SASH1: variants seen among roughly 807,000 people sequenced by gnomAD.
SASH1 encodes the protein SAM and SH3 domain containing 1.
SASH1 carries 44 observed loss-of-function variants against 125.2 expected under a neutral mutation model. The observed-to-expected ratio is 0.35, with a 90% CI of 0.28 to 0.45. SASH1 has a LOEUF of 0.45. SASH1 is among the 20% of genes least tolerant of loss of function. SASH1 has a pLI of 1.00. For synonymous variants in SASH1, 639 were observed against 649.1 expected (o/e 0.98, Z 0.24); for missense variants, 1,426 against 1,614.5 (o/e 0.88, Z 2.00).
the SASH1 span, among the ~76,000 whole-genome samples, chr6:148,254,676 CTAA>C: frequency 6.6e-6 from 1 of 152,086 alleles, no homozygotes; most frequent in Non-Finnish European, 1.5e-5. Flanking sequence ...TAGGATGGCT[CTAA>C]TAATAAGAAT....
intron 2 of SASH1, among the ~76,000 whole-genome samples, chr6:148,423,369 A>G (rs1220085575): frequency 2.0e-5 from 3 of 152,248 alleles, no homozygotes; most frequent in Admixed American, 2.0e-4. Flanking sequence ...CTTTTTAAAG[A>G]TGGTTACACA....
chr6:148,496,049 T>C (rs1489360603), intron 8 of SASH1, among the ~76,000 whole-genome samples: 2 of 151,856 alleles, frequency 1.3e-5, no homozygotes, highest in Non-Finnish European at 2.9e-5. Context: ...GGTTTCACCA[T>C]GTTGGCCAGG....
Position 148,491,456 on chromosome 6 carries a change from G to T in SASH1, c.729+3741G>T, listed in dbSNP as rs1048545127. ...AGCTAATTTTTCTATTTTTAGTAGA[G>T]ATGGGGTTTCACCATGTTGACCAGG... On this transcript the variant is annotated intron_variant, in intron 8 of 19. Coordinates refer to ENST00000367467, the MANE Select transcript of SASH1 (RefSeq NM_015278.5). Among the ~76,000 whole-genome samples, 3 of 152,100 alleles carry T rather than the reference G, an allele frequency of 2.0e-5. No individual in the cohort carries two copies. In the South Asian group the frequency reaches 6.2e-4, roughly 32 times the overall value.
intron 1 of SASH1, among the ~76,000 whole-genome samples, chr6:148,386,154 A>T (rs1783357904): frequency 6.6e-6 from 1 of 152,094 alleles, no homozygotes; most frequent in African/African-American, 2.4e-5. Flanking sequence ...GTGTGGAGGG[A>T]GGGGAACCAC....
chr6:148,534,343 G>A (rs1485104210), intron 15 of SASH1, among the ~76,000 whole-genome samples: 1 of 152,130 alleles, frequency 6.6e-6, no homozygotes, highest in African/African-American at 2.4e-5. Context: ...ACTAGCATGA[G>A]TCTGCAATGA....
At chr6:148,458,983 TACACACACACACACACACACACAC>T in intron 4 of SASH1, among the ~76,000 whole-genome samples, 1 of 137,958 alleles carries the variant, frequency 7.2e-6, no homozygotes, top group African/African-American at 2.7e-5. Context: ...AAAAAAAGTA[TACACACACACACACACACACACAC>T]ACACACACAC....
the SASH1 span, among the ~76,000 whole-genome samples, chr6:148,242,304 G>C: frequency 6.6e-6 from 1 of 152,188 alleles, no homozygotes. Context: ...ATTCCAGTGG[G>C]AACCTGGATG....
At chr6:148,360,646 C>G (rs866162670) in intron 1 of SASH1, among the ~76,000 whole-genome samples, 1 of 148,786 alleles carries the variant, frequency 6.7e-6, no homozygotes, top group Non-Finnish European at 1.5e-5. Context: ...ACCCCCCCGC[C>G]AGGCTTTAAA....
At chr6:148,290,246 G>A (rs1433873423) in intron 1 of SASH1, among the ~76,000 whole-genome samples, 15 of 151,580 alleles carry the variant, frequency 9.9e-5, no homozygotes, top group East Asian at 3.9e-4. Flanking sequence ...TAGCCTTTAC[G>A]TCTTTGATTC....
chr6:148,491,490 G>A (rs12195868), intron 8 of SASH1, among the ~76,000 whole-genome samples: 36,636 of 152,040 alleles, frequency 0.24, 5,048 homozygotes, highest in Middle Eastern at 0.35. Flanking sequence ...GGTTGGTCTC[G>A]AACCTCTGAC....
intron 2 of SASH1, among the ~76,000 whole-genome samples, chr6:148,398,478 A>G (rs1249223171): frequency 1.3e-5 from 2 of 152,184 alleles, no homozygotes; most frequent in African/African-American, 2.4e-5. Flanking sequence ...TGATCAGGAA[A>G]GTGAGACTCT....
At chr6:148,403,157 C>A (rs1784244011) in intron 2 of SASH1, among the ~76,000 whole-genome samples, 1 of 152,024 alleles carries the variant, frequency 6.6e-6, no homozygotes, top group Non-Finnish European at 1.5e-5. Flanking sequence ...TCAGAGCCTT[C>A]TAGAAGAATC....
Position 148,519,712 on chromosome 6 carries a change from C to G in SASH1, c.1028C>G (p.Thr343Ser). 6.2e-7 allele frequency: 1 copy of G among 1,614,146 alleles called. No homozygotes were observed. Among genetic ancestry groups the G allele is most frequent in the Non-Finnish European group, 8.5e-7 (1 of 1,180,046 alleles). The part of the protein sequence containing the change: ...TTSPSSSSLD[T>S]WGAGRKLVKT... ...TCTCCATCCTCCAGCAGCCTGGACA[C>G]CTGGGGGGCTGGCCGGAAGTTGGTC... Residue 343 changes from threonine (T) to serine (S), a missense_variant, in exon 10 of 20, where the codon ACC becomes AGC. Physicochemically the swap from Thr to Ser is moderately conservative, Grantham distance 58. This residue lies in a region of SASH1 where 567 missense variants were observed against 575.6 expected (regional missense o/e 0.99). Coordinates refer to ENST00000367467, the MANE Select transcript of SASH1 (RefSeq NM_015278.5). The surrounding 1 kb of genome is among the most constrained non-coding windows in gnomAD (Gnocchi z 4.8).
chr6:148,241,095 A>G, the SASH1 span, among the ~76,000 whole-genome samples: 2 of 134,478 alleles, frequency 1.5e-5, no homozygotes, highest in East Asian at 1.9e-4. Context: ...CATCAAGGGG[A>G]AAAAAAATAT....
intron 1 of SASH1, among the ~76,000 whole-genome samples, chr6:148,323,092 C>T (rs770736528): frequency 6.6e-6 from 1 of 151,798 alleles, no homozygotes. Context: ...TCACTGCAAC[C>T]TCTGCCTCCC....
intron 8 of SASH1, among the ~76,000 whole-genome samples, chr6:148,489,886 G>A (rs1158168369): frequency 1.4e-5 from 2 of 140,166 alleles, no homozygotes; most frequent in African/African-American, 2.6e-5. Flanking sequence ...GTGTGTGTGT[G>A]TATAGTGTTA....
chr6:148,362,144 G>A lies in SASH1; in HGVS notation c.156+18921G>A, dbSNP rs567834694. On this transcript the variant is annotated intron_variant, in intron 1 of 19. Transcript: ENST00000367467. ...GGGTTTCTCCGTGTTAGCCAGGATG[G>A]TCTCGATATCCTGACCTTGTGATCC... is the stretch of plus-strand genomic sequence containing the variant. Among the ~76,000 whole-genome samples, 48 of 151,586 alleles carry A rather than the reference G, an allele frequency of 3.2e-4. 1 individual carries two copies. In the East Asian group the frequency reaches 8.8e-3, roughly 28 times the overall value.
rs148684869 is a variant in SASH1 at position 148,328,454 on chromosome 6, G to A, written n.74+56077G>A. Among the ~76,000 whole-genome samples, 1,138 of 152,060 alleles carry A rather than the reference G, an allele frequency of 7.5e-3. 12 individuals carry two copies. Among genetic ancestry groups the A allele is most frequent in the African/African-American group, 0.026 (1,063 of 41,490 alleles). On this transcript the variant is annotated intron_variant and non_coding_transcript_variant, in intron 1 of 3. Transcript: ENST00000367469. ...CTAAAAATACAAAAATTAGCCAGGC[G>A]CAGTGGTGGGCACCTGTAATCCCAG...
At chr6:148,315,229 A>G (rs996557911) in intron 1 of SASH1, among the ~76,000 whole-genome samples, 1 of 152,232 alleles carries the variant, frequency 6.6e-6, no homozygotes. Context: ...TATAGTAAGC[A>G]CTTTTCCACA....
Sources: gnomAD v4.1 joint callset for allele counts (sites outside exome capture counted in the v4.1 genomes callset) on GRCh38, gnomAD v4.1.1 for gene constraint, gnomAD v4.1.1 regional missense constraint, Gnocchi (gnomAD v3.1) non-coding constraint, MANE v1.5 for transcripts, NCBI Gene and HGNC (gene_info 2026-07-23, HGNC 2026-07-21) for gene names.